Variants in SLC2A9 observed in about 807,000 individuals in gnomAD.
SLC2A9 encodes solute carrier family 2, facilitated glucose transporter member 9.
A neutral mutation model predicts 50.6 loss-of-function variants in SLC2A9; 39 were observed. That is an observed-to-expected ratio of 0.77 (90% CI 0.60 to 1.01). The LOEUF (loss-of-function observed/expected upper bound fraction) is 1.01, where lower values mean the gene tolerates loss of function less well. Among genes scored for constraint, SLC2A9 ranks in the 50% least tolerant of loss-of-function variants. SLC2A9 has a pLI of 0.00. For missense variants in SLC2A9, 686 were observed against 677.6 expected (o/e 1.01, Z -0.14); for synonymous variants, 324 against 276.9 (o/e 1.17, Z -1.69).
At chr4:9,962,880 C>T (rs539334555) in intron 5 of SLC2A9, among the ~76,000 whole-genome samples, 3 of 152,290 alleles carry the variant, frequency 2.0e-5, no homozygotes, top group Admixed American at 6.5e-5. Context: ...TCTAAATGTG[C>T]AGAGCTCCCT....
At chr4:9,894,403 T>C (rs775474179) in intron 8 of SLC2A9, among the ~76,000 whole-genome samples, 11 of 152,218 alleles carry the variant, frequency 7.2e-5, no homozygotes, top group Non-Finnish European at 1.2e-4. Flanking sequence ...GAAAAATATA[T>C]GCAGAAATAG....
chr4:10,014,693 G>A (rs1353906789), intron 2 of SLC2A9, among the ~76,000 whole-genome samples: 2 of 152,166 alleles, frequency 1.3e-5, no homozygotes, highest in African/African-American at 4.8e-5. Context: ...GCTCCATGCA[G>A]CCTGTCTCAC....
At chr4:10,039,138 G>A (rs76561353) in intron 1 of SLC2A9, among the ~76,000 whole-genome samples, 2 of 152,328 alleles carry the variant, frequency 1.3e-5, no homozygotes, top group Admixed American at 6.5e-5. Context: ...ATGAATCTCC[G>A]ACTTCATGCT....
chr4:9,887,541 G>T, intron 10 of SLC2A9, 26 bp downstream of exon 10: 1 of 1,545,986 alleles, frequency 6.5e-7, no homozygotes. Flanking sequence ...CCTGGGCGGG[G>T]CAGTGGGGAG....
intron 1 of SLC2A9, chr4:10,036,157 A>G (rs1183396213): frequency 6.5e-6 from 1 of 153,784 alleles, no homozygotes; most frequent in Non-Finnish European, 1.4e-5. Context: ...ATATAAACAG[A>G]TTATAACACG....
chr4:10,012,702 C>T (rs1185819180), intron 2 of SLC2A9, among the ~76,000 whole-genome samples: 1 of 152,112 alleles, frequency 6.6e-6, no homozygotes. Flanking sequence ...AAGGGAAGAG[C>T]ACTGCAGCCA....
Position 9,980,622 on chromosome 4 carries a change from C to G in SLC2A9, c.651G>C (p.Gln217His), listed in dbSNP as rs768387526. 1 of 1,614,076 alleles carries G rather than the reference C, an allele frequency of 6.2e-7. No individual in the cohort carries two copies. Among genetic ancestry groups the G allele is most frequent in the African/African-American group, 1.3e-5 (1 of 74,932 alleles). ...IFICIGVFTGQLLGLPELLGK... is the reference protein window; with the variant it reads ...IFICIGVFTGHLLGLPELLGK... The stretch of plus-strand genomic sequence containing the variant: ...CCAGCAGCTCGGGCAGGCCCAGAAG[C>G]TGCCCAGTGAACACGCCAATGCAGA... Residue 217 changes from glutamine (Q) to histidine (H), a missense_variant, in exon 5 of 12, where the codon CAG (glutamine) becomes CAC (histidine). Physicochemically the swap from Gln to His is conservative, Grantham distance 24 (BLOSUM62 0). Coordinates refer to ENST00000264784, the MANE Select transcript of SLC2A9 (RefSeq NM_020041.3).
chr4:9,782,870 G>A (rs1718669742), intron 3 of SLC2A9: 2 of 1,613,622 alleles, frequency 1.2e-6, no homozygotes, highest in Non-Finnish European at 8.5e-7. Context: ...CTGCGCGCCC[G>A]ACACCAGCCT....
rs566863118 is a variant in SLC2A9 at position 9,973,365 on chromosome 4, A to G, written c.681+7227T>C. ...TTCACAGCCAAATTCTATTAGATGT[A>G]CAAAGAAGAGCTGGTACCAATCCTG... is the stretch of plus-strand genomic sequence containing the variant. On this transcript the variant is annotated intron_variant, in intron 5 of 11. Transcript: ENST00000264784. Among the ~76,000 whole-genome samples the G allele has an allele frequency of 3.3e-5, 5 of 152,322 alleles. No individual in the cohort carries two copies. In the East Asian group the frequency reaches 9.7e-4, roughly 29 times the overall value.
intron 3 of SLC2A9, among the ~76,000 whole-genome samples, chr4:9,799,700 C>CCCGCCA (rs1553813199): frequency 2.1e-5 from 2 of 93,716 alleles, no homozygotes; most frequent in Non-Finnish European, 4.2e-5. Flanking sequence ...GTACCCCCCC[C>CCCGCCA]CCACCCAACT....
intron 3 of SLC2A9, among the ~76,000 whole-genome samples, chr4:9,789,049 A>T (rs1031375262): frequency 5.3e-5 from 8 of 152,236 alleles, no homozygotes; most frequent in Admixed American, 2.0e-4. Context: ...TCATATGTGC[A>T]TATACACATA....
chr4:9,864,812 T>C (rs1732185938), intron 10 of SLC2A9, among the ~76,000 whole-genome samples: 1 of 152,242 alleles, frequency 6.6e-6, no homozygotes, highest in South Asian at 2.1e-4. Flanking sequence ...CCTGTGCCTG[T>C]GTTGTCTCGC....
intron 7 of SLC2A9, among the ~76,000 whole-genome samples, chr4:9,911,055 A>G (rs758973582): frequency 5.9e-5 from 9 of 152,124 alleles, no homozygotes; most frequent in Admixed American, 2.0e-4. Context: ...TGCAGATGAC[A>G]GGTTGATGGG....
At chr4:9,944,053 G>C (rs1342342235) in intron 5 of SLC2A9, among the ~76,000 whole-genome samples, 2 of 152,240 alleles carry the variant, frequency 1.3e-5, no homozygotes. Context: ...CTTCCCAGGG[G>C]TGGTGTTTTT....
intron 5 of SLC2A9, among the ~76,000 whole-genome samples, chr4:9,969,067 C>A (rs6449183): frequency 0.56 from 85,369 of 151,948 alleles, 25,335 homozygotes; most frequent in African/African-American, 0.77. Context: ...TTGACATAAA[C>A]TTAACTTTGA....
At chr4:9,820,352 A>C (rs180782218) in intron 3 of SLC2A9, among the ~76,000 whole-genome samples, 1 of 152,276 alleles carries the variant, frequency 6.6e-6, no homozygotes, top group Non-Finnish European at 1.5e-5. Context: ...TAGTGTCCTG[A>C]TTGCTGTAGA....
At chr4:9,910,874 C>A (rs577200424) in intron 7 of SLC2A9, among the ~76,000 whole-genome samples, 1 of 152,268 alleles carries the variant, frequency 6.6e-6, no homozygotes, top group Admixed American at 6.5e-5. Context: ...TGGAAACCAT[C>A]ATTCTCAGCA....
intron 10 of SLC2A9, among the ~76,000 whole-genome samples, chr4:9,875,839 G>A (rs981352104): frequency 7.9e-5 from 12 of 152,168 alleles, no homozygotes; most frequent in Admixed American, 4.6e-4. Context: ...CAGGGCTGAA[G>A]GACTAATTAC....
intron 8 of SLC2A9, among the ~76,000 whole-genome samples, chr4:9,906,022 T>A (rs535110915): frequency 6.6e-6 from 1 of 152,310 alleles, no homozygotes; most frequent in East Asian, 1.9e-4. Context: ...TTATGTAAAA[T>A]CACACATTAT....
Sources: allele counts gnomAD v4.1 joint callset (sites outside exome capture counted in the v4.1 genomes callset), GRCh38; gene constraint gnomAD v4.1.1; transcripts MANE v1.5; gene names NCBI Gene and HGNC (gene_info 2026-07-23, HGNC 2026-07-21).